MOB1A: variants seen among roughly 807,000 people sequenced by gnomAD.
MOB1A encodes the protein MOB kinase activator 1A.
Under a neutral mutation model 25.1 loss-of-function variants are expected in MOB1A, and 10 were observed. The observed-to-expected ratio is 0.40, with a 90% CI of 0.25 to 0.68. The LOEUF is 0.68. Ranked by LOEUF, MOB1A falls within the 30% of genes least tolerant of loss-of-function variation. MOB1A has a pLI of 0.40. For synonymous variants in MOB1A, 81 were observed against 79.5 expected, an observed-to-expected ratio of 1.02 and a Z score of -0.10; for missense variants, 177 against 256.3, an observed-to-expected ratio of 0.69 and a Z score of 2.11.
chr2:74,178,348 G>C (rs1212383078), intron 1 of MOB1A: 1 of 253,758 alleles, frequency 3.9e-6, no homozygotes, highest in African/African-American at 2.2e-5. Flanking sequence ...GAGAAACTGG[G>C]GGCTCGCGGC....
intron 4 of MOB1A, among the ~76,000 whole-genome samples, chr2:74,161,828 G>A (rs1692981975): frequency 1.3e-5 from 2 of 151,874 alleles, no homozygotes; most frequent in African/African-American, 4.8e-5. Flanking sequence ...GGTGGCACAC[G>A]TGCCTGTGGT....
chr2:74,157,255 C>T (rs1692830614), intron 5 of MOB1A, among the ~76,000 whole-genome samples: 3 of 151,678 alleles, frequency 2.0e-5, no homozygotes, highest in Admixed American at 2.0e-4. Flanking sequence ...CATAAAAACA[C>T]AAAAAACAGG....
intron 2 of MOB1A, among the ~76,000 whole-genome samples, chr2:74,168,688 C>T (rs1223813493): frequency 6.6e-6 from 1 of 152,104 alleles, no homozygotes; most frequent in Non-Finnish European, 1.5e-5. Flanking sequence ...TACCTAAAAA[C>T]AACTAGGTAT....
chr2:74,158,387 T>G lies in MOB1A; in HGVS notation c.573+704A>C, dbSNP rs1692863749. ...TCATCATAAAATATCTAGACAGACA[T>G]GTATATGTAATTCAATATGCAAAAT... is the stretch of plus-strand genomic sequence containing the variant. On this transcript the variant is annotated intron_variant, in intron 5 of 5. Coordinates refer to ENST00000396049, the MANE Select transcript of MOB1A (RefSeq NM_018221.5). Among the ~76,000 whole-genome samples, 5 of 152,148 alleles carry G rather than the reference T, an allele frequency of 3.3e-5. No homozygotes were observed. In the South Asian group the frequency reaches 1.0e-3, roughly 31 times the overall value.
chr2:74,156,794 A>T, intron 5 of MOB1A, 149 bp from the exon 6 acceptor site: 1 of 625,748 alleles, frequency 1.6e-6, no homozygotes, highest in South Asian at 2.0e-5. Flanking sequence ...GTAGGCATTT[A>T]TTCTTTTTCT....
chr2:74,176,450 C>T (rs1340385102), intron 1 of MOB1A, among the ~76,000 whole-genome samples: 2 of 151,308 alleles, frequency 1.3e-5, no homozygotes, highest in East Asian at 3.9e-4. Flanking sequence ...AGTCCTACAA[C>T]TCAAAAAGAC....
At position 74,156,436 on chromosome 2, in the gene MOB1A, A is replaced by G. The variant is rs374823879; in HGVS notation, c.*132T>C. The stretch of plus-strand genomic sequence containing the variant: ...AACCTACCTTTGGGATAATTTTATC[A>G]GTAGACACAGGCAATGGGTATCTTT... On this transcript the variant is annotated 3_prime_UTR_variant, in exon 6 of 6. Coordinates refer to ENST00000396049, the MANE Select transcript of MOB1A (RefSeq NM_018221.5). The G allele has an allele frequency of 9.5e-6, 7 of 740,450 alleles. No individual in the cohort carries two copies. Among genetic ancestry groups the G allele is most frequent in the African/African-American group, 7.2e-5 (4 of 55,928 alleles). The allele number at this position is 740,450 out of a possible 1,614,324, so 45.9% of individuals were successfully genotyped here.
At chr2:74,172,523 A>AT (rs1246391495) in intron 2 of MOB1A, 63 bp downstream of exon 2, 6 of 1,490,716 alleles carry the variant, frequency 4.0e-6, no homozygotes, top group Non-Finnish European at 4.6e-6. Flanking sequence ...AAGAAAATTC[A>AT]TTAACAAAGA....
intron 1 of MOB1A, among the ~76,000 whole-genome samples, chr2:74,177,072 G>C (rs930325487): frequency 6.6e-6 from 1 of 152,114 alleles, no homozygotes; most frequent in Non-Finnish European, 1.5e-5. Flanking sequence ...AGAAAGTCTC[G>C]GCCGAGTGCG....
Position 74,167,126 on chromosome 2 carries a change from T to C in MOB1A, c.182-19A>G. 1.3e-6 allele frequency: 2 copies of C among 1,578,906 alleles called. No homozygotes were observed. The highest frequency in any genetic ancestry group is 1.3e-5 in the African/African-American group (1 of 74,122). ...TCCACAGCTGCAGAGATAATAGAAT[T>C]GTGTCAAAATGTCTGTGTAAACACA... is the stretch of plus-strand genomic sequence containing the variant. On this transcript the variant is annotated intron_variant, in intron 2 of 5. Transcript: ENST00000396049.
At chr2:74,160,805 G>A (rs1356825724) in intron 4 of MOB1A, among the ~76,000 whole-genome samples, 1 of 152,114 alleles carries the variant, frequency 6.6e-6, no homozygotes, top group Non-Finnish European at 1.5e-5. Context: ...GAGAATTTTG[G>A]CTGACAATAT....
At chr2:74,176,755 C>A (rs1180899651) in intron 1 of MOB1A, among the ~76,000 whole-genome samples, 3 of 143,994 alleles carry the variant, frequency 2.1e-5, no homozygotes, top group African/African-American at 8.0e-5. Context: ...CAGAGCAAGA[C>A]TCTGTCTCAA....
chr2:74,163,890 C>T (rs1693051421), intron 4 of MOB1A: 1 of 151,994 alleles, frequency 6.6e-6, no homozygotes, highest in Non-Finnish European at 1.5e-5. Context: ...TAAATATAGT[C>T]ATAATTAAAA....
intron 1 of MOB1A, among the ~76,000 whole-genome samples, chr2:74,177,444 G>T (rs902552825): frequency 6.6e-6 from 1 of 152,200 alleles, no homozygotes; most frequent in Admixed American, 6.5e-5. Flanking sequence ...GAAAAAAGTG[G>T]AGGAGGGAGG....
At chr2:74,169,147 T>C (rs1441005940) in intron 2 of MOB1A, among the ~76,000 whole-genome samples, 1 of 152,208 alleles carries the variant, frequency 6.6e-6, no homozygotes, top group Non-Finnish European at 1.5e-5. Flanking sequence ...TTATGGAAAA[T>C]AGTCATTTTT....
At position 74,172,593 on chromosome 2, in the gene MOB1A, A is replaced by T. The variant is rs568127396; in HGVS notation, c.174T>A (p.Ala58=). 3 of 1,612,470 alleles carry T rather than the reference A, an allele frequency of 1.9e-6. No homozygotes were observed. Among genetic ancestry groups the T allele is most frequent in the African/African-American group, 2.7e-5 (2 of 75,022 alleles). Residue 58 remains alanine, a synonymous_variant, in exon 2 of 6, where the codon GCT becomes GCA. Transcript: ENST00000396049. ...TTACATTTTAAAACTTACTGTTCAC[A>T]GCAATCCATTCATTGAGATCCTCTC... The part of the protein sequence containing the change: ...PEGEDLNEWI[A]VNTVDFFNQI...
chr2:74,168,536 A>T (rs1693194421), intron 2 of MOB1A, among the ~76,000 whole-genome samples: 1 of 152,176 alleles, frequency 6.6e-6, no homozygotes, highest in South Asian at 2.1e-4. Flanking sequence ...CCAGCTACTC[A>T]GGACGCTGAA....
intron 4 of MOB1A, among the ~76,000 whole-genome samples, chr2:74,162,117 G>A (rs1189653372): frequency 6.6e-6 from 1 of 152,212 alleles, no homozygotes; most frequent in East Asian, 1.9e-4. Context: ...GTAAGATGCA[G>A]ATAATAGCCT....
intron 4 of MOB1A, among the ~76,000 whole-genome samples, chr2:74,159,546 T>TA (rs1416865709): frequency 6.6e-6 from 1 of 151,946 alleles, no homozygotes; most frequent in Non-Finnish European, 1.5e-5. Context: ...CTCAACCTCT[T>TA]AAAGTGCTAG....
Sources: gnomAD v4.1 joint callset for allele counts (sites outside exome capture counted in the v4.1 genomes callset) on GRCh38, gnomAD v4.1.1 for gene constraint, MANE v1.5 for transcripts, NCBI Gene and HGNC (gene_info 2026-07-23, HGNC 2026-07-21) for gene names.